Variants in RECK observed in about 807,000 individuals in gnomAD.
RECK encodes reversion-inducing cysteine-rich protein with Kazal motifs.
RECK carries 69 observed loss-of-function variants against 115.1 expected under a neutral mutation model. The ratio of observed to expected loss-of-function variants is 0.60; its 90% CI spans 0.49 to 0.73. RECK has a LOEUF of 0.73. RECK is among the 30% of genes least tolerant of loss of function. The probability of loss-of-function intolerance (pLI) is 0.00; values close to 1 mark genes in which losing one functional copy is unlikely to be tolerated. For synonymous variants in RECK, 414 were observed against 419.7 expected, an observed-to-expected ratio of 0.99 and a Z score of 0.17; for missense variants, 1,047 against 1,203.7, an observed-to-expected ratio of 0.87 and a Z score of 1.93.
intron 6 of RECK, among the ~76,000 whole-genome samples, chr9:36,072,419 G>A (rs2132605254): frequency 6.6e-6 from 1 of 152,280 alleles, no homozygotes; most frequent in East Asian, 1.9e-4. Flanking sequence ...GTGGTTCTAA[G>A]AATAGAGGAG....
rs1052972444 is a variant in RECK, at chr9:36,058,878, C to G, written c.211C>G (p.Pro71Ala). 1 of 1,587,442 alleles carries G rather than the reference C, an allele frequency of 6.3e-7. No homozygotes were observed. The highest frequency in any genetic ancestry group is 8.6e-7 in the Non-Finnish European group (1 of 1,164,636). ...ACTAAAACATCTGTTGCAGCGAGCC[C>G]CAGATTATTGCCCAGAGACAATGGT... Reference protein sequence around the residue: ...SRLKHLLQRAPDYCPETMVEI... With the variant: ...SRLKHLLQRAADYCPETMVEI... Residue 71 changes from proline (P) to alanine (A), a missense_variant, in exon 3 of 21, where the codon CCA becomes GCA. Coordinates refer to ENST00000377966, the MANE Select transcript of RECK (RefSeq NM_021111.3).
chr9:36,102,164 A>AGTATTTGTGAGCTTCTGTCACCTACAGAT lies in RECK; in HGVS notation c.1371_1399dup (p.Asp467ValfsTer12). ...ATTCCCTGAAGACCACACAGCTGAA[A>AGTATTTGTGAGCTTCTGTCACCTACAGAT]GTATTTGTGAGCTTCTGTCACCTAC... On this transcript the variant is annotated frameshift_variant, in exon 12 of 21. Transcript: ENST00000377966. LOFTEE classifies it high-confidence loss of function. 1 of 1,613,592 alleles carries AGTATTTGTGAGCTTCTGTCACCTACAGAT rather than the reference A, an allele frequency of 6.2e-7. No individual in the cohort carries two copies. The highest frequency in any genetic ancestry group is 1.3e-5 in the African/African-American group (1 of 75,044).
At chr9:36,084,151 T>C (rs751407461) in intron 8 of RECK, among the ~76,000 whole-genome samples, 2 of 151,986 alleles carry the variant, frequency 1.3e-5, no homozygotes, top group Admixed American at 6.6e-5. Flanking sequence ...ATCCCAGCAC[T>C]TTGAGAAGCC....
Position 36,091,167 on chromosome 9 carries a change from A to G in RECK, c.909A>G (p.Glu303=), listed in dbSNP as rs1823142458. ...TGCATTTGTGCTCTTGTTTCAGGGA[A>G]CTCTGCACTAAACTTTACAGCATGA... The part of the protein sequence containing the change: ...CSKANTSTCR[E]LCTKLYSMSW... The change falls in exon 10 of 21, where the codon GAA becomes GAG. Residue 303 remains glutamate (E), a synonymous_variant. Transcript: ENST00000377966. 1 of 1,613,638 alleles carries G rather than the reference A, an allele frequency of 6.2e-7. No individual in the cohort carries two copies. The highest frequency in any genetic ancestry group is 8.5e-7 in the Non-Finnish European group (1 of 1,179,818).
At chr9:36,050,876 G>GAA (rs894353310) in intron 1 of RECK, among the ~76,000 whole-genome samples, 3 of 151,960 alleles carry the variant, frequency 2.0e-5, no homozygotes, top group Admixed American at 6.6e-5. Flanking sequence ...CCTTTTCAGT[G>GAA]AAGCCTTCCT....
intron 10 of RECK, among the ~76,000 whole-genome samples, chr9:36,098,945 C>T (rs915573572): frequency 1.3e-5 from 2 of 152,086 alleles, no homozygotes; most frequent in Non-Finnish European, 2.9e-5. Context: ...AATGTTCTAG[C>T]CCAGGCATGA....
At chr9:36,099,038 C>T (rs1413138505) in intron 10 of RECK, among the ~76,000 whole-genome samples, 1 of 152,044 alleles carries the variant, frequency 6.6e-6, no homozygotes, top group Non-Finnish European at 1.5e-5. Flanking sequence ...CCAGCCTGGG[C>T]AACATGGCAA....
At chr9:36,061,445 A>G (rs1821763827) in intron 4 of RECK, among the ~76,000 whole-genome samples, 1 of 107,294 alleles carries the variant, frequency 9.3e-6, no homozygotes. Context: ...CACAGTTGCT[A>G]ACAAACTGTA....
chr9:36,100,477 A>G lies in RECK; in HGVS notation c.1232A>G (p.Lys411Arg). 6.2e-7 allele frequency: 1 copy of G among 1,614,164 alleles called. No individual in the cohort carries two copies. Reference protein sequence around the residue: ...DIKKCQPEMWKAIACSLQIKP... With the variant: ...DIKKCQPEMWRAIACSLQIKP... ...AAAAAGTGCCAGCCAGAGATGTGGA[A>G]AGCAATAGCTTGTTCACTGCAGATT... The change falls in exon 11 of 21, where the codon AAA (lysine) becomes AGA (arginine). Residue 411 changes from lysine to arginine, a missense_variant. By Grantham distance (26) the Lys-to-Arg change is conservative (BLOSUM62 2). Coordinates refer to ENST00000377966, the MANE Select transcript of RECK (RefSeq NM_021111.3).
At chr9:36,042,769 G>T (rs984992447) in intron 1 of RECK, among the ~76,000 whole-genome samples, 13 of 151,988 alleles carry the variant, frequency 8.6e-5, no homozygotes, top group African/African-American at 3.1e-4. Flanking sequence ...TTCCATGGTG[G>T]TTATACTCAT....
At position 36,123,196 on chromosome 9, in the gene RECK, A is replaced by G. The variant is rs1824527688; in HGVS notation, c.*151A>G. ...CAGTATTTTTTTTTTTAATCCGCCA[A>G]TATTAGTAGGATTTTTGTTTTGTTT... On this transcript the variant is annotated 3_prime_UTR_variant, in exon 21 of 21. Coordinates refer to ENST00000377966, the MANE Select transcript of RECK (RefSeq NM_021111.3). The G allele has an allele frequency of 1.7e-6, 1 of 576,300 alleles. No homozygotes were observed. The highest frequency in any genetic ancestry group is 3.0e-6 in the Non-Finnish European group (1 of 329,364). The allele number at this position is 576,300 out of a possible 1,614,324, so 35.7% of individuals were successfully genotyped here. A position where few individuals can be genotyped will look rare whatever the true frequency, so the allele number is the denominator to read the frequency against.
intron 6 of RECK, among the ~76,000 whole-genome samples, chr9:36,073,357 A>G (rs1008829390): frequency 6.6e-6 from 1 of 151,950 alleles, no homozygotes; most frequent in Non-Finnish European, 1.5e-5. Context: ...AGGCACATCA[A>G]CTTAAATGCC....
chr9:36,102,954 TAA>T (rs34000336), intron 12 of RECK, among the ~76,000 whole-genome samples: 7 of 133,256 alleles, frequency 5.3e-5, no homozygotes, highest in Non-Finnish European at 6.6e-5. Context: ...AGACTCTGTC[TAA>T]AAAAAAAAAA....
At chr9:36,121,382 C>G (rs1442967522) in intron 19 of RECK, 151 bp from the exon 20 acceptor site, 1 of 635,904 alleles carries the variant, frequency 1.6e-6, no homozygotes, top group Non-Finnish European at 2.7e-6. Flanking sequence ...ACTGGAGATT[C>G]AGAATTTGGC....
At chr9:36,045,766 GGCTTTAGAA>G (rs1304156817) in intron 1 of RECK, among the ~76,000 whole-genome samples, 1 of 151,878 alleles carries the variant, frequency 6.6e-6, no homozygotes, top group African/African-American at 2.4e-5. Flanking sequence ...AAAGCTAGTT[GGCTTTAGAA>G]GCTGCGTTTT....
intron 15 of RECK, among the ~76,000 whole-genome samples, chr9:36,111,616 A>T: frequency 6.6e-6 from 1 of 151,932 alleles, no homozygotes; most frequent in Non-Finnish European, 1.5e-5. Context: ...CTGGTCTCGA[A>T]CTCCCGACCT....
chr9:36,082,299 T>C (rs979926548), intron 7 of RECK, among the ~76,000 whole-genome samples: 2 of 152,088 alleles, frequency 1.3e-5, no homozygotes, highest in African/African-American at 4.8e-5. Context: ...TCCTTCTACC[T>C]CAACCTCCCT....
intron 16 of RECK, among the ~76,000 whole-genome samples, chr9:36,116,007 T>G (rs1387179848): frequency 6.6e-6 from 1 of 152,188 alleles, no homozygotes; most frequent in Non-Finnish European, 1.5e-5. Flanking sequence ...GGTCCTCATC[T>G]TACTAGGAAA....
intron 12 of RECK, among the ~76,000 whole-genome samples, chr9:36,104,281 T>TGC (rs1823677168): frequency 3.9e-5 from 1 of 25,826 alleles, no homozygotes; most frequent in Non-Finnish European, 7.4e-5. Context: ...ATAGCATGTG[T>TGC]GTGTGTGTGT....
Sources: gnomAD v4.1 joint callset for allele counts (sites outside exome capture counted in the v4.1 genomes callset) on GRCh38, gnomAD v4.1.1 for gene constraint, MANE v1.5 for transcripts, NCBI Gene and HGNC (gene_info 2026-07-23, HGNC 2026-07-21) for gene names.